PINX1: variants seen among roughly 807,000 people sequenced by gnomAD.
PINX1 encodes the protein PIN2/TERF1-interacting telomerase inhibitor 1.
Under a neutral mutation model 25.4 loss-of-function variants are expected in PINX1, and 34 were observed. The observed-to-expected ratio is 1.34, with a 90% CI of 1.02 to 1.78. The LOEUF is 1.78. PINX1 is among the 40% of genes most tolerant of loss of function. The pLI, the probability that PINX1 is intolerant of heterozygous loss-of-function variation, is 0.00. For missense variants in PINX1, 592 were observed against 404.9 expected (o/e 1.46, Z -3.97); for synonymous variants, 197 against 147.7 (o/e 1.33, Z -2.42).
chr8:10,793,282 T>C (rs1024293019), intron 6 of PINX1, among the ~76,000 whole-genome samples: 1 of 152,214 alleles, frequency 6.6e-6, no homozygotes, highest in Admixed American at 6.5e-5. Context: ...AAATTATTAT[T>C]GACAAGTTCT....
chr8:10,780,559 C>T (rs892140088), intron 6 of PINX1, among the ~76,000 whole-genome samples: 1 of 151,180 alleles, frequency 6.6e-6, no homozygotes, highest in Non-Finnish European at 1.5e-5. Flanking sequence ...AAATCCCAAA[C>T]AAATGAAAAC....
rs117963070 is a variant in PINX1 at position 10,803,307 on chromosome 8, T to C, written c.471+16886A>G. ...TTTCCTTACACAATCACAGTGCCAT[T>C]AGCACATCTAATCAAACAGACAATA... is the stretch of plus-strand genomic sequence containing the variant. On this transcript the variant is annotated intron_variant, in intron 6 of 6. Coordinates refer to ENST00000314787, the MANE Select transcript of PINX1 (RefSeq NM_017884.6). Among the ~76,000 whole-genome samples, 1,326 of 152,322 alleles carry C rather than the reference T, an allele frequency of 8.7e-3. 4 individuals carry two copies. Among genetic ancestry groups the C allele is most frequent in the Non-Finnish European group, 0.015 (994 of 68,028 alleles).
chr8:10,837,879 C>CAAA (rs1161048974), intron 1 of PINX1, among the ~76,000 whole-genome samples: 13 of 152,322 alleles, frequency 8.5e-5, no homozygotes, highest in Non-Finnish European at 1.5e-5. Context: ...CTGAGGAGGC[C>CAAA]TCCGTACTTG....
chr8:10,828,070 T>C (rs990790610), intron 4 of PINX1, among the ~76,000 whole-genome samples: 1 of 152,160 alleles, frequency 6.6e-6, no homozygotes, highest in Non-Finnish European at 1.5e-5. Flanking sequence ...AGTCACTTAT[T>C]TCAAAGGTAT....
rs767469215 is a variant in PINX1 at position 10,765,482 on chromosome 8, C to T, written c.906G>A (p.Leu302=). ...KPKKRRGKKK[L]QKPVEIAEDA... ...CCTCTGCTATCTCTACTGGTTTTTG[C>T]AGCTTTTTCTTCCCTCTCCTCTTTT... The change falls in exon 7 of 7, where the codon CTG becomes CTA. Residue 302 remains leucine (L), a synonymous_variant. Coordinates refer to ENST00000314787, the MANE Select transcript of PINX1 (RefSeq NM_017884.6). The T allele has an allele frequency of 4.3e-6, 7 of 1,613,350 alleles. No individual in the cohort carries two copies. The Admixed American group carries it at 1.2e-4, about 27-fold the overall frequency.
intron 6 of PINX1, among the ~76,000 whole-genome samples, chr8:10,816,752 T>C (rs1032396657): frequency 2.6e-5 from 4 of 152,266 alleles, no homozygotes; most frequent in Admixed American, 1.3e-4. Context: ...TGTAGATTTT[T>C]TGTTAAATGA....
intron 2 of PINX1, 63 bp downstream of exon 2, chr8:10,834,602 GT>G: frequency 6.4e-7 from 1 of 1,569,280 alleles, no homozygotes; most frequent in East Asian, 2.3e-5. Context: ...TAAGAAGGAA[GT>G]TTTCCCCTAA....
At chr8:10,835,892 A>G (rs1798390942) in intron 1 of PINX1, among the ~76,000 whole-genome samples, 1 of 152,220 alleles carries the variant, frequency 6.6e-6, no homozygotes, top group Non-Finnish European at 1.5e-5. Flanking sequence ...ATTACTGATC[A>G]TTATGAACTC....
chr8:10,830,856 C>T (rs1490553916), intron 4 of PINX1, among the ~76,000 whole-genome samples: 11 of 152,196 alleles, frequency 7.2e-5, no homozygotes, highest in African/African-American at 2.7e-4. Context: ...CTCTTATGCA[C>T]TGTTGATGTA....
At chr8:10,812,029 T>C (rs766997882) in intron 6 of PINX1, among the ~76,000 whole-genome samples, 23 of 152,282 alleles carry the variant, frequency 1.5e-4, no homozygotes, top group African/African-American at 5.3e-4. Context: ...GACTCATTTA[T>C]AGATAACTGA....
intron 6 of PINX1, among the ~76,000 whole-genome samples, chr8:10,818,210 C>A (rs1190999112): frequency 6.6e-6 from 1 of 152,132 alleles, no homozygotes; most frequent in African/African-American, 2.4e-5. Context: ...AAATCTCACA[C>A]AAAACACGAT....
intron 6 of PINX1, among the ~76,000 whole-genome samples, chr8:10,775,410 G>GTTTTTTTTTTTTTTTT (rs143926728): frequency 1.8e-5 from 2 of 109,592 alleles, no homozygotes; most frequent in East Asian, 3.5e-4. Flanking sequence ...CTGTTTTGTG[G>GTTTTTTTTTTTTTTTT]TTTTTTTTTT....
intron 6 of PINX1, among the ~76,000 whole-genome samples, chr8:10,789,616 C>T (rs1801859548): frequency 6.6e-6 from 1 of 152,206 alleles, no homozygotes; most frequent in African/African-American, 2.4e-5. Flanking sequence ...GGAATGTCCT[C>T]AAATAGCACA....
intron 5 of PINX1, among the ~76,000 whole-genome samples, chr8:10,825,929 A>G (rs540607077): frequency 4.7e-4 from 72 of 152,252 alleles, no homozygotes; most frequent in Non-Finnish European, 7.1e-4. Flanking sequence ...TTTACAGTCT[A>G]AAACCTAATC....
rs181327812 is a variant in PINX1 at position 10,823,863 on chromosome 8, T to G, written c.394+2289A>C. Among the ~76,000 whole-genome samples the G allele has an allele frequency of 1.1e-3, 166 of 152,264 alleles. 1 individual carries two copies. The highest frequency in any genetic ancestry group is 3.6e-3 in the African/African-American group (148 of 41,550). On this transcript the variant is annotated intron_variant, in intron 5 of 6. Coordinates refer to ENST00000314787, the MANE Select transcript of PINX1 (RefSeq NM_017884.6). ...TAAAAATAATGATACAGCTGATATT[T>G]AGGCAGTAGCAAATTTTACAACACT...
At chr8:10,839,537 CT>C (rs941531353) in intron 1 of PINX1, among the ~76,000 whole-genome samples, 200 bp downstream of exon 1, 1 of 152,218 alleles carries the variant, frequency 6.6e-6, no homozygotes, top group African/African-American at 2.4e-5. Context: ...TGCGGTCTCT[CT>C]CACTAGCAGA....
intron 6 of PINX1, among the ~76,000 whole-genome samples, chr8:10,791,207 C>T (rs1210005648): frequency 1.3e-5 from 2 of 152,200 alleles, no homozygotes; most frequent in Non-Finnish European, 2.9e-5. Context: ...CCATCATGCC[C>T]AGCCAAAATC....
chr8:10,817,035 G>C (rs1181976268), intron 6 of PINX1, among the ~76,000 whole-genome samples: 1 of 152,216 alleles, frequency 6.6e-6, no homozygotes, highest in Non-Finnish European at 1.5e-5. Flanking sequence ...AGGAGCTGTA[G>C]AAATTAAAAT....
chr8:10,771,186 T>C (rs908990544), intron 6 of PINX1: 11 of 152,222 alleles, frequency 7.2e-5, no homozygotes, highest in African/African-American at 2.7e-4. Flanking sequence ...TCTTCATGTA[T>C]CCCTTCAGGT....
Sources: gnomAD v4.1 joint callset for allele counts (sites outside exome capture counted in the v4.1 genomes callset) on GRCh38, gnomAD v4.1.1 for gene constraint, MANE v1.5 for transcripts, NCBI Gene and HGNC (gene_info 2026-07-23, HGNC 2026-07-21) for gene names.